The following SLC12A6 variants were observed in gnomAD, a reference collection of about 807,000 sequenced individuals.
SLC12A6 encodes solute carrier family 12 member 6, also known as K-Cl cotransporter 3.
A neutral mutation model predicts 135.3 loss-of-function variants in SLC12A6; 66 were observed. That is an observed-to-expected ratio of 0.49 (90% confidence interval 0.40 to 0.60). The LOEUF (loss-of-function observed/expected upper bound fraction) is 0.60. SLC12A6 is among the 20% of genes least tolerant of loss of function. The pLI, the probability that SLC12A6 is intolerant of heterozygous loss-of-function variation, is 0.00. For synonymous variants in SLC12A6, 513 were observed against 508.8 expected (o/e 1.01, Z -0.11); for missense variants, 1,058 against 1,452.3 (o/e 0.73, Z 4.41).
chr15:34,336,821 C>T, intron 1 of SLC12A6, 69 bp from the exon 2 acceptor site: 1 of 729,538 alleles, frequency 1.4e-6, no homozygotes, highest in South Asian at 1.6e-5. Flanking sequence ...CACAAAAAGC[C>T]CCAACTAAGA....
chr15:34,317,429 C>A (rs114979356), intron 2 of SLC12A6, among the ~76,000 whole-genome samples: 1 of 152,110 alleles, frequency 6.6e-6, no homozygotes, highest in African/African-American at 2.4e-5. Context: ...TGAGGCCGGA[C>A]GCAGTGGCTC....
At chr15:34,284,259 ACTTT>A (rs1341088038) in intron 2 of SLC12A6, among the ~76,000 whole-genome samples, 1 of 143,278 alleles carries the variant, frequency 7.0e-6, no homozygotes. Context: ...TGTCCATATT[ACTTT>A]CTTTGTTTCT....
chr15:34,317,787 C>T (rs546245837), intron 2 of SLC12A6, among the ~76,000 whole-genome samples: 11 of 152,180 alleles, frequency 7.2e-5, no homozygotes, highest in South Asian at 4.1e-4. Context: ...ACGCTGCTCA[C>T]GATTTACAGA....
At chr15:34,255,482 A>G in intron 7 of SLC12A6, 90 bp from the exon 8 acceptor site, 2 of 928,756 alleles carry the variant, frequency 2.2e-6, no homozygotes, top group Non-Finnish European at 3.4e-6. Flanking sequence ...AAATATATAC[A>G]TAAAGGTTAA....
intron 13 of SLC12A6, among the ~76,000 whole-genome samples, chr15:34,249,591 GAA>G (rs745920800): frequency 1.3e-5 from 2 of 152,024 alleles, no homozygotes; most frequent in Non-Finnish European, 2.9e-5. Context: ...GAAAAGAAAA[GAA>G]GAGAAGAGAA....
chr15:34,262,242 T>C (rs1042337572), intron 3 of SLC12A6, among the ~76,000 whole-genome samples: 3 of 152,152 alleles, frequency 2.0e-5, no homozygotes, highest in Non-Finnish European at 4.4e-5. Context: ...TTTTTTACAC[T>C]GTGTGCCTTT....
At chr15:34,258,759 C>G in intron 5 of SLC12A6, 54 bp downstream of exon 5, 1 of 1,492,012 alleles carries the variant, frequency 6.7e-7, no homozygotes, top group Non-Finnish European at 9.4e-7. Context: ...GTATTTCCTT[C>G]TTTCTTATAT....
intron 2 of SLC12A6, among the ~76,000 whole-genome samples, chr15:34,335,445 G>C (rs1890134131): frequency 1.3e-5 from 2 of 152,200 alleles, no homozygotes; most frequent in African/African-American, 4.8e-5. Context: ...GTGAGGCTAT[G>C]GTTTTCAAAC....
At chr15:34,297,547 A>G (rs1895955635) in intron 2 of SLC12A6, among the ~76,000 whole-genome samples, 1 of 152,234 alleles carries the variant, frequency 6.6e-6, no homozygotes, top group East Asian at 1.9e-4. Flanking sequence ...AATAAAGCCA[A>G]TGGAACCATG....
chr15:34,237,237 A>T, intron 22 of SLC12A6, 182 bp downstream of exon 22: 2 of 551,264 alleles, frequency 3.6e-6, no homozygotes, highest in Non-Finnish European at 6.5e-6. Flanking sequence ...AACATCAAAC[A>T]TGCATCACAT....
chr15:34,253,990 G>GC (rs1189597491), intron 9 of SLC12A6, among the ~76,000 whole-genome samples: 42 of 152,188 alleles, frequency 2.8e-4, no homozygotes, highest in African/African-American at 8.7e-4. Flanking sequence ...GCCAAGGTGG[G>GC]CCTTATAAAG....
At chr15:34,261,055 A>T in intron 3 of SLC12A6, 35 bp from the exon 4 acceptor site, 1 of 1,093,564 alleles carries the variant, frequency 9.1e-7, no homozygotes, top group Non-Finnish European at 1.4e-6. Context: ...TTAGTTTCTC[A>T]CTGGTTTCTG....
rs1319202995 is a variant in SLC12A6 at position 34,260,988 on chromosome 15, G to C, written c.349C>G (p.Leu117Val). 1 of 1,579,198 alleles carries C rather than the reference G, an allele frequency of 6.3e-7. No homozygotes were observed. The highest frequency in any genetic ancestry group is 2.2e-5 in the East Asian group (1 of 44,648). ...DGHKKARNAY[L>V]NNSNYEEGDE... is the part of the protein sequence containing the mutation. ...CCTTCTTCATAATTGGAATTATTGA[G>C]ATAAGCATTTCGAGCTTTCTTATGT... Residue 117 changes from leucine (L) to valine (V), a missense_variant, in exon 4 of 26, where the codon CTC becomes GTC. Physicochemically the swap from Leu to Val is conservative, Grantham distance 32. Around this residue, in one of 6 missense-constraint regions of SLC12A6, gnomAD observed 176 missense variants for 168.9 expected, o/e 1.04. Transcript: ENST00000354181.
intron 4 of SLC12A6, among the ~76,000 whole-genome samples, chr15:34,259,198 G>C (rs1473296075): frequency 6.6e-6 from 1 of 152,078 alleles, no homozygotes; most frequent in East Asian, 1.9e-4. Context: ...AAATAAGCTG[G>C]GTGTGGTGGC....
At chr15:34,294,825 G>C (rs894779358) in intron 2 of SLC12A6, among the ~76,000 whole-genome samples, 3 of 151,508 alleles carry the variant, frequency 2.0e-5, no homozygotes, top group Non-Finnish European at 1.5e-5. Context: ...AAAGTGCTAG[G>C]ATTACAGGCA....
chr15:34,290,168 G>A (rs1411399930), intron 2 of SLC12A6, among the ~76,000 whole-genome samples: 2 of 152,150 alleles, frequency 1.3e-5, no homozygotes, highest in Non-Finnish European at 2.9e-5. Context: ...AGAGATTCTG[G>A]TACGTTATGT....
At chr15:34,281,712 C>T (rs1894692282) in intron 2 of SLC12A6, among the ~76,000 whole-genome samples, 1 of 152,156 alleles carries the variant, frequency 6.6e-6, no homozygotes, top group Non-Finnish European at 1.5e-5. Context: ...AGCTTGAATT[C>T]AGGAGGCGGA....
intron 2 of SLC12A6, among the ~76,000 whole-genome samples, chr15:34,306,057 A>C (rs111761939): frequency 6.7e-6 from 1 of 150,218 alleles, no homozygotes; most frequent in Non-Finnish European, 1.5e-5. Context: ...CACCGTGCCC[A>C]GCCTCCTCCA....
chr15:34,245,657 G>A (rs1566807493), intron 14 of SLC12A6, 36 bp downstream of exon 14: 2 of 1,553,286 alleles, frequency 1.3e-6, no homozygotes, highest in Admixed American at 1.7e-5. Flanking sequence ...TTAAAGCTGG[G>A]AAAAAAAGAA....
Sources: allele counts gnomAD v4.1 joint callset (sites outside exome capture counted in the v4.1 genomes callset), GRCh38; gene constraint gnomAD v4.1.1; regional missense constraint gnomAD v4.1.1; transcripts MANE v1.5; gene names NCBI Gene and HGNC (gene_info 2026-07-23, HGNC 2026-07-21).